Variants in ACSF3 observed in about 807,000 individuals in gnomAD.
The protein encoded by ACSF3 is malonate--CoA ligase ACSF3, mitochondrial.
Under a neutral mutation model 53.2 loss-of-function variants are expected in ACSF3, and 78 were observed. The observed-to-expected ratio is 1.47, with a 90% CI of 1.22 to 1.77. The LOEUF is 1.77. Among genes scored for constraint, ACSF3 ranks in the 40% most tolerant of loss-of-function variants. The probability of loss-of-function intolerance (pLI) is 0.00; values close to 1 mark genes in which losing one functional copy is unlikely to be tolerated. For synonymous variants in ACSF3, 414 were observed against 333.1 expected (o/e 1.24, Z -2.65); for missense variants, 937 against 771.1 (o/e 1.22, Z -2.55).
intron 7 of ACSF3, among the ~76,000 whole-genome samples, chr16:89,132,177 C>T (rs1374489522): frequency 1.3e-5 from 2 of 152,268 alleles, no homozygotes; most frequent in Non-Finnish European, 2.9e-5. Flanking sequence ...TTCCCTGGCC[C>T]CTGGTTTTCT....
At chr16:89,132,743 A>G (rs542315538) in intron 7 of ACSF3, among the ~76,000 whole-genome samples, 7 of 152,274 alleles carry the variant, frequency 4.6e-5, no homozygotes, top group African/African-American at 1.4e-4. Context: ...GCCCCCGAAG[A>G]TGGGATTTGG....
intron 6 of ACSF3, among the ~76,000 whole-genome samples, chr16:89,118,958 C>T (rs1204602987): frequency 1.3e-5 from 2 of 152,068 alleles, no homozygotes; most frequent in Non-Finnish European, 2.9e-5. Context: ...CACACTGTCA[C>T]ATGCCCGGGG....
Position 89,100,833 on chromosome 16 carries a change from T to A in ACSF3, c.152T>A (p.Leu51Gln). The A allele has an allele frequency of 6.2e-7, 1 of 1,613,444 alleles. No individual in the cohort carries two copies. The highest frequency in any genetic ancestry group is 1.7e-5 in the Admixed American group (1 of 60,028). The change falls in exon 3 of 11, where the codon CTG (leucine) becomes CAG (glutamine). Residue 51 changes from leucine (L) to glutamine (Q), a missense_variant. Transcript: ENST00000614302. ...DRSAPVFTRA[L>Q]AFGDRIALVD... ...AGCGCCCCGGTGTTCACCCGTGCCCTGGCCTTTGGGGACAGAATCGCCCTG... is the reference window on the plus strand; with the variant it reads ...AGCGCCCCGGTGTTCACCCGTGCCCAGGCCTTTGGGGACAGAATCGCCCTG...
intron 6 of ACSF3, among the ~76,000 whole-genome samples, chr16:89,119,060 T>C (rs1361251144): frequency 6.7e-6 from 1 of 149,226 alleles, no homozygotes; most frequent in African/African-American, 2.5e-5. Flanking sequence ...CAAGCTTTCA[T>C]GGGTGGCACC....
intron 7 of ACSF3, among the ~76,000 whole-genome samples, chr16:89,124,094 GTATCACACACA>G (rs1907374496): frequency 7.3e-6 from 1 of 137,850 alleles, no homozygotes; most frequent in Non-Finnish European, 1.6e-5. Flanking sequence ...GTGCGCATGG[GTATCACACACA>G]TGCCTAGTGT....
At chr16:89,139,442 C>T (rs112564545) in intron 8 of ACSF3, among the ~76,000 whole-genome samples, 1 of 152,066 alleles carries the variant, frequency 6.6e-6, no homozygotes, top group Non-Finnish European at 1.5e-5. Flanking sequence ...TCCGGGTCTT[C>T]GTTCTGCCCT....
Position 89,101,246 on chromosome 16 carries a change from G to C in ACSF3, c.565G>C (p.Glu189Gln), listed in dbSNP as rs1246188080. ...VEEPAEVPVP[E>Q]QGWRNKGAMI... ...GGAACCGGCAGAGGTCCCGGTCCCAGAGCAGGGATGGAGGAACAAGGGCGC... is the reference window on the plus strand; with the variant it reads ...GGAACCGGCAGAGGTCCCGGTCCCACAGCAGGGATGGAGGAACAAGGGCGC... The change falls in exon 3 of 11, where the codon GAG becomes CAG. Residue 189 changes from glutamate (E) to glutamine (Q), a missense_variant. Coordinates refer to ENST00000614302, the MANE Select transcript of ACSF3 (RefSeq NM_001243279.3). 3 of 1,600,936 alleles carry C rather than the reference G, an allele frequency of 1.9e-6. No homozygotes were observed. The highest frequency in any genetic ancestry group is 2.6e-6 in the Non-Finnish European group (3 of 1,174,218).
intron 8 of ACSF3, among the ~76,000 whole-genome samples, chr16:89,142,550 GAC>G (rs1360949267): frequency 1.3e-5 from 2 of 150,554 alleles, no homozygotes; most frequent in Admixed American, 1.3e-4. Flanking sequence ...CACACCTGCA[GAC>G]ACACCCACAC....
rs1216544572 is a variant in ACSF3 at position 89,109,403 on chromosome 16, C to CTTTT, written c.823-2666_823-2663dup. 5.9e-5 allele frequency among the ~76,000 whole-genome samples: 3 copies of CTTTT among 50,694 alleles called. 1 individual carries two copies. Among genetic ancestry groups the CTTTT allele is most frequent in the Non-Finnish European group, 1.0e-4 (3 of 28,964 alleles). The allele number at this position is 50,694 out of a possible 152,430, so 33.3% of individuals were successfully genotyped here. ...TTCCCTAATGACTACTGATGTTAAGCTTTTTTTTTTTTTTTTTTTTTTTTT... is the reference window on the plus strand; with the variant it reads ...TTCCCTAATGACTACTGATGTTAAGCTTTTTTTTTTTTTTTTTTTTTTTTTTTTT... On this transcript the variant is annotated intron_variant, in intron 4 of 10. Coordinates refer to ENST00000614302, the MANE Select transcript of ACSF3 (RefSeq NM_001243279.3).
rs1270665049 is a variant in ACSF3 at position 89,116,221 on chromosome 16, T to G, written c.1126+1734T>G. 2.0e-5 allele frequency among the ~76,000 whole-genome samples: 3 copies of G among 152,342 alleles called. No individual in the cohort carries two copies. In the South Asian group the frequency reaches 6.2e-4, roughly 32 times the overall value. On this transcript the variant is annotated intron_variant, in intron 6 of 10. Transcript: ENST00000614302. ...GACTCCCTTCTCCATCGAACAGCCC[T>G]TTGGATCTTTGTTGAAAGTCCGTCG... is the stretch of plus-strand genomic sequence containing the variant.
rs1252096189 is a variant in ACSF3, at chr16:89,100,763, G to C, written c.82G>C (p.Gly28Arg). ...CCGGCTGGCGCCTGCGAGACACAGAGGAAGTGGTCTTCTGCACACAGCCCC... is the reference window on the plus strand; with the variant it reads ...CCGGCTGGCGCCTGCGAGACACAGACGAAGTGGTCTTCTGCACACAGCCCC... ...SCRLAPARHRGSGLLHTAPVA... is the reference protein window; with the variant it reads ...SCRLAPARHRRSGLLHTAPVA... Residue 28 changes from glycine to arginine, a missense_variant, in exon 3 of 11, where the codon GGA (glycine) becomes CGA (arginine). By Grantham distance (125) the Gly-to-Arg change is moderately radical. Coordinates refer to ENST00000614302, the MANE Select transcript of ACSF3 (RefSeq NM_001243279.3). 5.6e-6 allele frequency: 9 copies of C among 1,609,050 alleles called. No homozygotes were observed. The highest frequency in any genetic ancestry group is 7.6e-6 in the Non-Finnish European group (9 of 1,179,888).
chr16:89,102,389 T>TCTGTCCC, intron 3 of ACSF3: 1 of 629,816 alleles, frequency 1.6e-6, no homozygotes, highest in Non-Finnish European at 2.9e-6. Flanking sequence ...GGCGCTGTCC[T>TCTGTCCC]CTGTCCCCAG....
chr16:89,097,347 G>C, intron 1 of ACSF3, among the ~76,000 whole-genome samples: 1 of 152,246 alleles, frequency 6.6e-6, no homozygotes, highest in East Asian at 1.9e-4. Flanking sequence ...CACAATGACA[G>C]GCACCTTCTA....
intron 10 of ACSF3, chr16:89,153,311 T>G (rs1334891301): frequency 6.5e-6 from 1 of 152,880 alleles, no homozygotes; most frequent in Non-Finnish European, 1.5e-5. Context: ...TTCATTTCTT[T>G]CCTCCCTTCT....
intron 8 of ACSF3, among the ~76,000 whole-genome samples, 153 bp downstream of exon 8, chr16:89,133,415 C>G (rs113454740): frequency 1.3e-5 from 2 of 152,188 alleles, no homozygotes; most frequent in African/African-American, 4.8e-5. Context: ...GCCACTGTTA[C>G]GGCACTGCCT....
rs148969539 is a variant in ACSF3, at chr16:89,101,092, C to T, written c.411C>T (p.Val137=). The change falls in exon 3 of 11, where the codon GTC becomes GTT. Residue 137 remains valine (V), a synonymous_variant. Transcript: ENST00000614302. The part of the protein sequence containing the change: ...RKHPAAQLEY[V]ICDSQSSVVL... ...ATCCCGCGGCCCAGCTGGAGTATGT[C>T]ATCTGCGACTCCCAGAGCTCTGTGG... 1.5e-4 allele frequency: 248 copies of T among 1,614,126 alleles called. 2 individuals carry two copies. The African/African-American group carries it at 2.8e-3, about 18-fold the overall frequency.
intron 6 of ACSF3, among the ~76,000 whole-genome samples, chr16:89,118,244 G>T (rs577466050): frequency 5.5e-4 from 83 of 152,240 alleles, no homozygotes; most frequent in African/African-American, 1.9e-3. Flanking sequence ...GGGCGCCGGG[G>T]ACGCTCCCTC....
intron 4 of ACSF3, among the ~76,000 whole-genome samples, chr16:89,110,139 A>G (rs974828495): frequency 6.6e-6 from 1 of 152,206 alleles, no homozygotes; most frequent in Non-Finnish European, 1.5e-5. Context: ...TATAAAAAAA[A>G]TTTTAAAAAT....
rs1346282881 is a variant in ACSF3, at chr16:89,154,722, C to T, written c.*515C>T. On this transcript the variant is annotated 3_prime_UTR_variant, in exon 11 of 11. Coordinates refer to ENST00000614302, the MANE Select transcript of ACSF3 (RefSeq NM_001243279.3). ...CTGAGGGTTCACAAGCCTCCCAGAACCAGCCCTGTCCCATGGGTTCCGTGC... is the reference window on the plus strand; with the variant it reads ...CTGAGGGTTCACAAGCCTCCCAGAATCAGCCCTGTCCCATGGGTTCCGTGC... 2 of 454,098 alleles carry T rather than the reference C, an allele frequency of 4.4e-6. No homozygotes were observed. The highest frequency in any genetic ancestry group is 4.0e-5 in the African/African-American group (2 of 50,006). 28.1% of individuals were successfully genotyped at this position (454,098 alleles called of 1,614,324 possible).
Sources: allele counts gnomAD v4.1 joint callset (sites outside exome capture counted in the v4.1 genomes callset), GRCh38; gene constraint gnomAD v4.1.1; transcripts MANE v1.5; gene names NCBI Gene and HGNC (gene_info 2026-07-23, HGNC 2026-07-21).